SLC2A9: variants seen among roughly 807,000 people sequenced by gnomAD.
SLC2A9 encodes solute carrier family 2, facilitated glucose transporter member 9.
Under a neutral mutation model 50.6 loss-of-function variants are expected in SLC2A9, and 39 were observed. The observed-to-expected ratio is 0.77, with a 90% CI of 0.60 to 1.01. SLC2A9 has a LOEUF of 1.01. Ranked by LOEUF, SLC2A9 falls within the 50% of genes least tolerant of loss-of-function variation. The pLI, the probability that SLC2A9 is intolerant of heterozygous loss-of-function variation, is 0.00. For synonymous variants in SLC2A9, 324 were observed against 276.9 expected (o/e 1.17, Z -1.69); for missense variants, 686 against 677.6 (o/e 1.01, Z -0.14).
At chr4:10,033,158 T>C (rs1244715049) in intron 1 of SLC2A9, among the ~76,000 whole-genome samples, 1 of 152,216 alleles carries the variant, frequency 6.6e-6, no homozygotes, top group Non-Finnish European at 1.5e-5. Context: ...TAATGGCTTA[T>C]TATCACTTGC....
intron 10 of SLC2A9, among the ~76,000 whole-genome samples, chr4:9,868,592 T>C (rs1732883897): frequency 6.6e-6 from 1 of 152,210 alleles, no homozygotes; most frequent in African/African-American, 2.4e-5. Context: ...TGCACCCCAG[T>C]TGTCACCTGT....
chr4:9,903,645 T>C (rs1053210931), intron 8 of SLC2A9, among the ~76,000 whole-genome samples: 1 of 152,068 alleles, frequency 6.6e-6, no homozygotes, highest in African/African-American at 2.4e-5. Context: ...GCCATTTTAA[T>C]AGACTGTCAA....
At chr4:9,917,276 T>G (rs528462671) in intron 7 of SLC2A9, among the ~76,000 whole-genome samples, 29 of 146,374 alleles carry the variant, frequency 2.0e-4, no homozygotes, top group African/African-American at 7.0e-4. Context: ...AATTTAGAAA[T>G]AAATAAATAA....
At chr4:9,796,295 A>G (rs184387875), downstream of SLC2A9, among the ~76,000 whole-genome samples, 29 of 152,306 alleles carry the variant, frequency 1.9e-4, 1 homozygote, top group East Asian at 5.0e-3. Flanking sequence ...TTGTCATCCC[A>G]AAGCTGTTTG....
At chr4:9,887,810 C>T (rs947003743) in intron 9 of SLC2A9, among the ~76,000 whole-genome samples, 168 bp from the exon 10 acceptor site, 25 of 152,260 alleles carry the variant, frequency 1.6e-4, no homozygotes, top group African/African-American at 4.8e-4. Flanking sequence ...GATAACCCTT[C>T]GGTCACTCCA....
At chr4:9,964,575 C>T (rs1560399014) in intron 5 of SLC2A9, among the ~76,000 whole-genome samples, 1 of 152,114 alleles carries the variant, frequency 6.6e-6, no homozygotes, top group Non-Finnish European at 1.5e-5. Flanking sequence ...AGGATAAGGA[C>T]GATGTTGCTG....
chr4:9,819,090 G>A (rs1724035125), intron 3 of SLC2A9, among the ~76,000 whole-genome samples: 2 of 137,368 alleles, frequency 1.5e-5, no homozygotes, highest in African/African-American at 2.9e-5. Context: ...TTGCGCTCCA[G>A]CCTGGGCAAC....
intron 10 of SLC2A9, among the ~76,000 whole-genome samples, chr4:9,836,036 G>T (rs12643688): frequency 0.17 from 22,822 of 135,212 alleles, 2,429 homozygotes; most frequent in African/African-American, 0.33. Flanking sequence ...GCAGTGAGCC[G>T]AGATCAAGCA....
intron 2 of SLC2A9, among the ~76,000 whole-genome samples, chr4:10,005,920 C>T (rs1760704037): frequency 6.6e-6 from 1 of 152,306 alleles, no homozygotes; most frequent in Non-Finnish European, 1.5e-5. Flanking sequence ...TCAGGTTCCT[C>T]ATCTGTTAAA....
At chr4:9,960,159 A>T (rs1752034251) in intron 5 of SLC2A9, among the ~76,000 whole-genome samples, 1 of 152,226 alleles carries the variant, frequency 6.6e-6, no homozygotes, top group African/African-American at 2.4e-5. Flanking sequence ...GCCAGAAGCA[A>T]CATCTGTCTC....
At chr4:10,031,239 G>C (rs1321745281) in intron 1 of SLC2A9, among the ~76,000 whole-genome samples, 1 of 152,188 alleles carries the variant, frequency 6.6e-6, no homozygotes, top group Non-Finnish European at 1.5e-5. Flanking sequence ...CAAAAGGATA[G>C]AGTTTCACTC....
upstream of SLC2A9, among the ~76,000 whole-genome samples, chr4:10,025,051 A>G (rs1763706433): frequency 6.6e-6 from 1 of 152,150 alleles, no homozygotes. Flanking sequence ...CCTCCATTTC[A>G]CACCTCTGTG....
At chr4:9,814,424 AACTC>A (rs2109008098) in intron 3 of SLC2A9, among the ~76,000 whole-genome samples, 1 of 152,342 alleles carries the variant, frequency 6.6e-6, no homozygotes, top group Non-Finnish European at 1.5e-5. Context: ...AGTGCTAAAA[AACTC>A]ACTGAATGGT....
intron 10 of SLC2A9, among the ~76,000 whole-genome samples, chr4:9,856,786 A>G (rs1730787221): frequency 6.6e-6 from 1 of 152,234 alleles, no homozygotes; most frequent in South Asian, 2.1e-4. Flanking sequence ...TGCAGCCATA[A>G]AAAAGAAAAA....
intron 11 of SLC2A9, among the ~76,000 whole-genome samples, chr4:9,829,276 C>T (rs1433584738): frequency 2.6e-5 from 4 of 151,962 alleles, no homozygotes; most frequent in Non-Finnish European, 5.9e-5. Context: ...TGGTGGCAGT[C>T]GCCTGTTATC....
chr4:9,955,966 C>T (rs529744869), intron 5 of SLC2A9, among the ~76,000 whole-genome samples: 2 of 144,752 alleles, frequency 1.4e-5, no homozygotes, highest in Non-Finnish European at 3.0e-5. Context: ...CAACCTCTGC[C>T]TCCCATGTTC....
intron 3 of SLC2A9, among the ~76,000 whole-genome samples, chr4:9,792,359 T>C (rs1285845150): frequency 6.6e-6 from 1 of 150,678 alleles, no homozygotes; most frequent in Non-Finnish European, 1.5e-5. Flanking sequence ...TTTTTTTTTT[T>C]TAATTTTTAT....
At chr4:10,032,476 G>T (rs185639936) in intron 1 of SLC2A9, among the ~76,000 whole-genome samples, 2 of 152,230 alleles carry the variant, frequency 1.3e-5, no homozygotes, top group South Asian at 4.2e-4. Flanking sequence ...TTTGGGCAAG[G>T]GGGTTGGAGG....
At position 9,804,185 on chromosome 4, in the gene SLC2A9, G is replaced by C. The variant is rs76519353; in HGVS notation, n.421-4944C>G. Among the ~76,000 whole-genome samples, 501 of 152,298 alleles carry C rather than the reference G, an allele frequency of 3.3e-3. 4 individuals are homozygous for C. Among genetic ancestry groups the C allele is most frequent in the African/African-American group, 0.011 (474 of 41,580 alleles). On this transcript the variant is annotated intron_variant and non_coding_transcript_variant, in intron 3 of 3. Coordinates refer to the SLC2A9 transcript ENST00000503280. ...GAGGAGAAGAAAATAGCTCTACCTG[G>C]TGTCATGAAAGCTTTTGGAAGAAAG...
Sources: allele counts gnomAD v4.1 joint callset (sites outside exome capture counted in the v4.1 genomes callset), GRCh38; gene constraint gnomAD v4.1.1; transcripts MANE v1.5; gene names NCBI Gene and HGNC (gene_info 2026-07-23, HGNC 2026-07-21).